The following RB1CC1 variants were observed in gnomAD, a reference collection of about 807,000 sequenced individuals.
The protein encoded by RB1CC1 is RB1 inducible coiled-coil 1.
RB1CC1 carries 46 observed loss-of-function variants against 177.5 expected under a neutral mutation model. That is an observed-to-expected ratio of 0.26 (90% CI 0.20 to 0.33). The LOEUF (loss-of-function observed/expected upper bound fraction) is 0.33. Ranked by LOEUF, RB1CC1 falls within the 10% of genes least tolerant of loss-of-function variation. The pLI, the probability that RB1CC1 is intolerant of heterozygous loss-of-function variation, is 1.00. For missense variants in RB1CC1, 1,703 were observed against 1,816.3 expected (o/e 0.94, Z 1.13); for synonymous variants, 666 against 613.6 (o/e 1.09, Z -1.26).
rs77836425 is a variant in RB1CC1, at chr8:52,629,659, A to T, written c.4499+811T>A. Among the ~76,000 whole-genome samples, 12 of 152,308 alleles carry T rather than the reference A, an allele frequency of 7.9e-5. No individual in the cohort carries two copies. The East Asian group carries it at 2.1e-3, about 27-fold the overall frequency. ...GTTAAGCCTGATAAGAAACATTTAC[A>T]AACTATTATCTGTCAAGCCTGCTAC... is the stretch of plus-strand genomic sequence containing the variant. On this transcript the variant is annotated intron_variant, in intron 21 of 23. Transcript: ENST00000025008.
rs776731241 is a variant in RB1CC1 at position 52,645,708 on chromosome 8, T to C, written c.3981A>G (p.Glu1327=). 1 of 1,612,286 alleles carries C rather than the reference T, an allele frequency of 6.2e-7. No homozygotes were observed. Among genetic ancestry groups the C allele is most frequent in the Non-Finnish European group, 8.5e-7 (1 of 1,179,278 alleles). ...MQNVRTSLIA[E]QQTNFNTVLT... ...TGGGAAAAGAGATACAGACCTGTTG[T>C]TCCGCAATCAAAGATGTTCGAACAT... is the stretch of plus-strand genomic sequence containing the variant. Residue 1327 remains glutamate, a synonymous_variant, in exon 16 of 24, where the codon GAA becomes GAG. Coordinates refer to ENST00000025008, the MANE Select transcript of RB1CC1 (RefSeq NM_014781.5).
chr8:52,622,663 C>T lies in RB1CC1; in HGVS notation c.*1119G>A, dbSNP rs969360213. 3 of 152,020 alleles carry T rather than the reference C, an allele frequency of 2.0e-5. No individual in the cohort carries two copies. Among genetic ancestry groups the T allele is most frequent in the Non-Finnish European group, 3.0e-5 (2 of 67,566 alleles). 9.4% of individuals were successfully genotyped at this position (152,020 alleles called of 1,614,324 possible). A position where few individuals can be genotyped will look rare whatever the true frequency, so the allele number is the denominator to read the frequency against. On this transcript the variant is annotated 3_prime_UTR_variant, in exon 24 of 24. Transcript: ENST00000025008. ...CTCAAACAATTCTCATCCAACTCAA[C>T]TAACTCATTTAAATAACTTTGCTCA...
At chr8:52,713,130 G>A (rs1857194384) in intron 1 of RB1CC1, among the ~76,000 whole-genome samples, 1 of 152,168 alleles carries the variant, frequency 6.6e-6, no homozygotes, top group African/African-American at 2.4e-5. Flanking sequence ...CAATAAAATA[G>A]TTAGCAAATA....
At chr8:52,647,146 G>A (rs1850122329) in intron 15 of RB1CC1, among the ~76,000 whole-genome samples, 1 of 151,972 alleles carries the variant, frequency 6.6e-6, no homozygotes, top group Non-Finnish European at 1.5e-5. Flanking sequence ...AAAAATTATT[G>A]GAATCCTTTT....
At chr8:52,633,837 C>G (rs1338810234) in intron 20 of RB1CC1, among the ~76,000 whole-genome samples, 1 of 152,144 alleles carries the variant, frequency 6.6e-6, no homozygotes, top group Non-Finnish European at 1.5e-5. Flanking sequence ...GCCTGGAATC[C>G]CAGCACTTGG....
intron 1 of RB1CC1, among the ~76,000 whole-genome samples, chr8:52,700,533 T>A (rs1855959074): frequency 6.6e-6 from 1 of 151,982 alleles, no homozygotes; most frequent in Non-Finnish European, 1.5e-5. Context: ...AGACTATCTT[T>A]AGAAAAAACA....
chr8:52,675,516 A>G (rs1853018707), intron 6 of RB1CC1, among the ~76,000 whole-genome samples: 1 of 152,054 alleles, frequency 6.6e-6, no homozygotes, highest in Non-Finnish European at 1.5e-5. Context: ...AAAAGAATCA[A>G]TGTGTATTAA....
intron 16 of RB1CC1, 107 bp downstream of exon 16, chr8:52,645,595 A>T: frequency 8.8e-7 from 1 of 1,141,522 alleles, no homozygotes; most frequent in Non-Finnish European, 1.2e-6. Flanking sequence ...TGTAAGGAAC[A>T]TCACATCTAA....
rs1027135112 is a variant in RB1CC1, at chr8:52,656,488, T to C, written c.3341A>G (p.Asn1114Ser). 1.2e-6 allele frequency: 2 copies of C among 1,611,324 alleles called. No individual in the cohort carries two copies. Among genetic ancestry groups the C allele is most frequent in the Non-Finnish European group, 1.7e-6 (2 of 1,179,724 alleles). ...ISKLNQKIQD[N>S]NENYQVGLAE... is the part of the protein sequence containing the mutation. ...TAAGCCCACCTGATAATTTTCATTA[T>C]TATCCTGAATCTTTTGGTTGAGTTT... The change falls in exon 15 of 24, where the codon AAT becomes AGT. Residue 1114 changes from asparagine (N) to serine (S), a missense_variant. Asn to Ser is a conservative substitution (Grantham distance 46, BLOSUM62 1). Coordinates refer to ENST00000025008, the MANE Select transcript of RB1CC1 (RefSeq NM_014781.5).
chr8:52,659,031 G>T, intron 12 of RB1CC1, 55 bp from the exon 13 acceptor site: 2 of 904,314 alleles, frequency 2.2e-6, no homozygotes, highest in Non-Finnish European at 3.2e-6. Context: ...AAAACAGACA[G>T]CAAATTTATA....
At chr8:52,698,467 C>A (rs147239271) in intron 1 of RB1CC1, among the ~76,000 whole-genome samples, 50 of 151,772 alleles carry the variant, frequency 3.3e-4, no homozygotes, top group Non-Finnish European at 5.6e-4. Flanking sequence ...GGACTACCAC[C>A]ACGCCCAGCC....
intron 6 of RB1CC1, among the ~76,000 whole-genome samples, chr8:52,674,987 T>G (rs555837643): frequency 6.6e-6 from 1 of 152,262 alleles, no homozygotes; most frequent in South Asian, 2.1e-4. Context: ...AGATAACTCT[T>G]GTACTCATAA....
At chr8:52,635,477 A>C (rs1849067123) in intron 19 of RB1CC1, among the ~76,000 whole-genome samples, 1 of 152,284 alleles carries the variant, frequency 6.6e-6, no homozygotes, top group East Asian at 1.9e-4. Context: ...AAAGAATGAA[A>C]AGTAATCTAT....
chr8:52,661,801 T>C (rs1235465680), intron 8 of RB1CC1, 82 bp from the exon 9 acceptor site: 8 of 1,088,486 alleles, frequency 7.3e-6, no homozygotes, highest in Non-Finnish European at 7.5e-6. Flanking sequence ...AAAATCTTTA[T>C]GTTAAACACA....
intron 5 of RB1CC1, among the ~76,000 whole-genome samples, chr8:52,680,912 G>A (rs1448391943): frequency 1.3e-5 from 2 of 151,944 alleles, no homozygotes; most frequent in African/African-American, 4.8e-5. Context: ...GAAAACTGAT[G>A]GGGAGAAAGT....
At chr8:52,686,783 A>G (rs1307351823) in intron 2 of RB1CC1, 70 bp downstream of exon 2, 3 of 336,090 alleles carry the variant, frequency 8.9e-6, no homozygotes, top group South Asian at 4.8e-5. Context: ...TTTAAAATTA[A>G]GATTTCCAGA....
At chr8:52,660,455 C>A in intron 12 of RB1CC1, 141 bp downstream of exon 12, 1 of 763,472 alleles carries the variant, frequency 1.3e-6, no homozygotes, top group Non-Finnish European at 2.1e-6. Context: ...TGCTAACTGG[C>A]TTTTAAAGCC....
chr8:52,693,532 A>G (rs1855095592), intron 1 of RB1CC1, among the ~76,000 whole-genome samples: 2 of 152,244 alleles, frequency 1.3e-5, no homozygotes, highest in South Asian at 4.1e-4. Context: ...ATCTTACACC[A>G]GTCAGAATGG....
At chr8:52,662,035 A>G (rs1263816991) in intron 8 of RB1CC1, among the ~76,000 whole-genome samples, 2 of 152,092 alleles carry the variant, frequency 1.3e-5, no homozygotes, top group Non-Finnish European at 2.9e-5. Context: ...CTATAACACT[A>G]TCGGTCAGTC....
Sources: allele counts gnomAD v4.1 joint callset (sites outside exome capture counted in the v4.1 genomes callset), GRCh38; gene constraint gnomAD v4.1.1; transcripts MANE v1.5; gene names NCBI Gene and HGNC (gene_info 2026-07-23, HGNC 2026-07-21).